The following ARSF variants were observed in gnomAD, a reference collection of about 807,000 sequenced individuals.
The protein encoded by ARSF is arylsulfatase F.
A neutral mutation model predicts 35.4 loss-of-function variants in ARSF; 33 were observed. The ratio of observed to expected loss-of-function variants is 0.93; its 90% CI spans 0.71 to 1.25. The LOEUF is 1.25. ARSF is among the 50% of genes most tolerant of loss of function. The pLI is 0.00. For synonymous variants in ARSF, 222 were observed against 193.1 expected (o/e 1.15, Z -1.24); for missense variants, 501 against 480.2 (o/e 1.04, Z -0.40).
chrX:3,085,234 C>G (rs778421070), intron 6 of ARSF, among the ~76,000 whole-genome samples: 32 of 108,401 alleles, frequency 3.0e-4, no homozygotes, highest in Admixed American at 8.2e-4. Context: ...TACAATGCAT[C>G]TTGTCATCAT....
rs747381241 is a variant in ARSF at position 3,068,248 on chromosome X, A to G, written c.11+137A>G. Reference sequence around the variant, plus strand: ...TCTTTTTTCTTTTTCTTTTCTTGTAACCTACTATGAGTCAACATGCTGTCT... The same window carrying G: ...TCTTTTTTCTTTTTCTTTTCTTGTAGCCTACTATGAGTCAACATGCTGTCT... On this transcript the variant is annotated intron_variant, in intron 2 of 10. Transcript: ENST00000381127. The G allele has an allele frequency of 3.5e-5, 18 of 521,671 alleles. No homozygotes were observed. The Admixed American group carries it at 8.2e-4, about 24-fold the overall frequency. 43.0% of individuals were successfully genotyped at this position (521,671 alleles called of 1,213,427 possible).
chrX:3,084,098 T>C, intron 5 of ARSF, 145 bp from the exon 6 acceptor site: 1 of 749,224 alleles, frequency 1.3e-6, no homozygotes, highest in Non-Finnish European at 1.9e-6. Context: ...CACTCGGATT[T>C]TTTAGAGGAA....
chrX:3,089,541 G>T lies in ARSF; in HGVS notation c.876G>T (p.Val292=). The T allele has an allele frequency of 8.3e-7, 1 of 1,211,370 alleles. No individual in the cohort carries two copies. The highest frequency in any genetic ancestry group is 1.7e-5 in the African/African-American group (1 of 57,841). The change falls in exon 7 of 11, where the codon GTG becomes GTT. Residue 292 remains valine, a synonymous_variant. Transcript: ENST00000381127. ...TTCTCTTTTTCTCCTTTCTTCACGT[G>T]CACACACCTCTCCCCACCACGGACG... ...TFLLFFSFLH[V]HTPLPTTDDF...
At position 3,084,389 on chromosome X, in the gene ARSF, T is replaced by C. The variant is rs1236508567; in HGVS notation, c.553T>C (p.Phe185Leu). 8.3e-7 allele frequency: 1 copy of C among 1,211,976 alleles called. No individual in the cohort carries two copies. The highest frequency in any genetic ancestry group is 1.1e-6 in the Non-Finnish European group (1 of 895,599). Reference sequence around the variant, plus strand: ...CCCCTCTCGTAACACGGAATTAGCCTTTGAGAGTCAGCTCTGGCTCTGTGT... The same window carrying C: ...CCCCTCTCGTAACACGGAATTAGCCCTTGAGAGTCAGCTCTGGCTCTGTGT... ...PDPSRNTELA[F>L]ESQLWLCVQL... Residue 185 changes from phenylalanine to leucine, a missense_variant, in exon 6 of 11, where the codon TTT becomes CTT. Physicochemically the swap from Phe to Leu is conservative, Grantham distance 22. Transcript: ENST00000381127.
In ARSF at chrX:3,112,222, C is replaced by A; in HGVS notation, c.1439C>A (p.Pro480Gln). 1 of 1,210,614 alleles carries A rather than the reference C, an allele frequency of 8.3e-7. No homozygotes were observed. The highest frequency in any genetic ancestry group is 1.1e-6 in the Non-Finnish European group (1 of 895,088). The change falls in exon 11 of 11, where the codon CCA becomes CAA. Residue 480 changes from proline to glutamine, a missense_variant. Pro to Gln is a moderately conservative substitution (Grantham distance 76). Coordinates refer to ENST00000381127, the MANE Select transcript of ARSF (RefSeq NM_001201539.2). The stretch of plus-strand genomic sequence containing the variant: ...TATGTGACCCCGGTATTCCAGCCAC[C>A]AGCTTCTGGTGGCTGCTATGTCACC... ...AHYVTPVFQP[P>Q]ASGGCYVTSL...
chrX:3,058,462 C>T (rs1000738243), intron 1 of ARSF: 3 of 241,863 alleles, frequency 1.2e-5, no homozygotes, highest in African/African-American at 8.6e-5. Flanking sequence ...CGAAGCGATC[C>T]CCCACCTCAG....
At position 3,112,689 on chromosome X, in the gene ARSF, C is replaced by T; in HGVS notation, c.*133C>T. On this transcript the variant is annotated 3_prime_UTR_variant, in exon 11 of 11. Transcript: ENST00000381127. The stretch of plus-strand genomic sequence containing the variant: ...TGCATTTAATAGTCAATAAATTCAT[C>T]TACCATTCCAGATTATTAAAGGCCC... 1 of 952,237 alleles carries T rather than the reference C, an allele frequency of 1.1e-6. No individual in the cohort carries two copies. The highest frequency in any genetic ancestry group is 3.5e-5 in the East Asian group (1 of 28,397). The allele number at this position is 952,237 out of a possible 1,213,427, so 78.5% of individuals were successfully genotyped here.
At chrX:3,060,194 A>G (rs2090035997) in intron 1 of ARSF, among the ~76,000 whole-genome samples, 1 of 112,038 alleles carries the variant, frequency 8.9e-6, no homozygotes, top group Non-Finnish European at 1.9e-5. Flanking sequence ...CCTCCAGCAA[A>G]CTCCAACAGA....
chrX:3,044,404 T>C (rs1305791030), intron 1 of ARSF, among the ~76,000 whole-genome samples: 4 of 111,834 alleles, frequency 3.6e-5, no homozygotes, highest in Middle Eastern at 4.6e-3. Flanking sequence ...CAGCTATGTG[T>C]TAACAGCTCA....
At chrX:3,088,037 A>G (rs1047146606) in intron 6 of ARSF, among the ~76,000 whole-genome samples, 1 of 111,691 alleles carries the variant, frequency 9.0e-6, no homozygotes, top group Middle Eastern at 4.2e-3. Context: ...AAATTTCCCA[A>G]CGAATGGCAT....
At chrX:3,080,577 G>C (rs754907498) in intron 4 of ARSF, among the ~76,000 whole-genome samples, 9 of 111,532 alleles carry the variant, frequency 8.1e-5, no homozygotes, top group Admixed American at 2.9e-4. Context: ...CACAGTTCTG[G>C]AGGCTGGAAG....
At chrX:3,081,722 G>T (rs373119606) in intron 5 of ARSF, among the ~76,000 whole-genome samples, 4 of 110,957 alleles carry the variant, frequency 3.6e-5, no homozygotes, top group East Asian at 5.7e-4. Flanking sequence ...CTGCCTGCCC[G>T]CATAGTCTCT....
chrX:3,065,453 A>C (rs1039633628), intron 1 of ARSF, among the ~76,000 whole-genome samples: 2 of 108,222 alleles, frequency 1.8e-5, no homozygotes, highest in African/African-American at 6.7e-5. Flanking sequence ...TAAATAAATA[A>C]ATAAATAAAT....
intron 6 of ARSF, among the ~76,000 whole-genome samples, chrX:3,085,176 T>C (rs966803454): frequency 5.5e-5 from 6 of 109,821 alleles, no homozygotes; most frequent in African/African-American, 1.7e-4. Context: ...TGTCAGACCA[T>C]GGACGCAGAC....
intron 7 of ARSF, among the ~76,000 whole-genome samples, chrX:3,093,107 A>T (rs2147528428): frequency 9.0e-6 from 1 of 111,152 alleles, no homozygotes; most frequent in Admixed American, 9.5e-5. Flanking sequence ...CAGAGCTTGC[A>T]GTGGCCGAGA....
At chrX:3,090,484 CAT>C (rs2090281095) in intron 7 of ARSF, among the ~76,000 whole-genome samples, 1 of 111,437 alleles carries the variant, frequency 9.0e-6, no homozygotes, top group Admixed American at 9.6e-5. Context: ...GCCTGGACAA[CAT>C]AGTGAGACCC....
chrX:3,049,855 T>C (rs190200725), intron 1 of ARSF, among the ~76,000 whole-genome samples: 149 of 111,079 alleles, frequency 1.3e-3, no homozygotes, highest in African/African-American at 4.7e-3. Context: ...TATTTTGTTA[T>C]TATTATTAAT....
Position 3,076,113 on chromosome X carries a change from CTCTG to C in ARSF, c.162-431_162-428del, listed in dbSNP as rs1455438773. Among the ~76,000 whole-genome samples the C allele has an allele frequency of 8.3e-5, 9 of 107,913 alleles. No homozygotes were observed. In the East Asian group the frequency reaches 2.1e-3, roughly 25 times the overall value. 93.7% of individuals were successfully genotyped at this position (107,913 alleles called of 115,157 possible). On this transcript the variant is annotated intron_variant, in intron 3 of 10. Coordinates refer to ENST00000381127, the MANE Select transcript of ARSF (RefSeq NM_001201539.2). The stretch of plus-strand genomic sequence containing the variant: ...CATCTCTCTCTTTCTGTTTCTCTCT[CTCTG>C]TCTTTCTCTCTCTCTCTTGTCTTCT...
intron 4 of ARSF, among the ~76,000 whole-genome samples, chrX:3,077,789 T>TTTATTATTATTATTATATTATTATTA (rs2090164520): frequency 1.1e-5 from 1 of 92,225 alleles, no homozygotes; most frequent in Non-Finnish European, 2.1e-5. Flanking sequence ...TTTTATTTTA[T>TTTATTATTATTATTATATTATTATTA]TTATTATTAT....
Sources: allele counts gnomAD v4.1 joint callset (sites outside exome capture counted in the v4.1 genomes callset), GRCh38; gene constraint gnomAD v4.1.1; transcripts MANE v1.5; gene names NCBI Gene and HGNC (gene_info 2026-07-23, HGNC 2026-07-21).